Variants in KLRF1 observed in about 807,000 individuals in gnomAD.
The protein encoded by KLRF1 is killer cell lectin-like receptor subfamily F member 1.
Under a neutral mutation model 30.7 loss-of-function variants are expected in KLRF1, and 27 were observed. The observed-to-expected ratio is 0.88, with a 90% CI of 0.65 to 1.21. KLRF1 has a LOEUF of 1.21. Ranked by LOEUF, KLRF1 falls within the 50% of genes most tolerant of loss-of-function variation. KLRF1 has a pLI of 0.00. For synonymous variants in KLRF1, 92 were observed against 89.3 expected, an observed-to-expected ratio of 1.03 and a Z score of -0.17; for missense variants, 246 against 259.3, an observed-to-expected ratio of 0.95 and a Z score of 0.35.
rs1565510540 is a variant in KLRF1, at chr12:9,842,326, TA to T, written c.481del (p.Ile161TyrfsTer5). ...IIHDQLEMAF[I>X]QKNLRQLNYV... Reference sequence around the variant, plus strand: ...GTCCCTCGTCCACATTTTAGGCTTTTATACAGAAAAACCTAAGACAATTAAA... The same window carrying T: ...GTCCCTCGTCCACATTTTAGGCTTTTTACAGAAAAACCTAAGACAATTAAA... On this transcript the variant is annotated frameshift_variant, in exon 5 of 6. Coordinates refer to ENST00000617889, the MANE Select transcript of KLRF1 (RefSeq NM_016523.3). LOFTEE classifies it high-confidence loss of function. The T allele has an allele frequency of 6.2e-7, 1 of 1,611,488 alleles. No individual in the cohort carries two copies.
At chr12:9,836,940 A>C (rs191738145) in intron 3 of KLRF1, among the ~76,000 whole-genome samples, 8 of 152,264 alleles carry the variant, frequency 5.3e-5, no homozygotes, top group Non-Finnish European at 7.4e-5. Context: ...TTGAGCTACA[A>C]TATATTTATT....
chr12:9,812,367 G>GAAAAAA, the KLRF1 span, among the ~76,000 whole-genome samples: 1 of 95,808 alleles, frequency 1.0e-5, no homozygotes. Flanking sequence ...GCCGTCTCAG[G>GAAAAAA]AAAAAAAAAA....
chr12:9,818,349 G>A, the KLRF1 span, among the ~76,000 whole-genome samples: 28 of 152,296 alleles, frequency 1.8e-4, no homozygotes, highest in East Asian at 3.7e-3. Flanking sequence ...TGTGGCCAGC[G>A]GCAGCTCACC....
intron 3 of KLRF1, among the ~76,000 whole-genome samples, chr12:9,841,230 A>G (rs138721262): frequency 6.6e-4 from 100 of 152,242 alleles, no homozygotes; most frequent in African/African-American, 2.0e-3. Context: ...CAAACATTGC[A>G]TGTTCTCACT....
At chr12:9,810,595 A>C in the KLRF1 span, among the ~76,000 whole-genome samples, 1 of 152,240 alleles carries the variant, frequency 6.6e-6, no homozygotes, top group African/African-American at 2.4e-5. Context: ...GGATATTAAA[A>C]TGTGGTCATT....
At chr12:9,833,963 G>A (rs1251517265) in intron 3 of KLRF1, among the ~76,000 whole-genome samples, 4 of 141,916 alleles carry the variant, frequency 2.8e-5, no homozygotes, top group African/African-American at 1.1e-4. Flanking sequence ...GGGTGCAGGC[G>A]GGCTGAGTCC....
the KLRF1 span, among the ~76,000 whole-genome samples, chr12:9,818,982 A>T: frequency 4.6e-5 from 7 of 152,218 alleles, no homozygotes; most frequent in African/African-American, 1.4e-4. Flanking sequence ...AGGCAGGACG[A>T]CTGCCCACCC....
At chr12:9,839,837 A>G (rs752571059) in intron 3 of KLRF1, among the ~76,000 whole-genome samples, 3 of 152,126 alleles carry the variant, frequency 2.0e-5, no homozygotes, top group African/African-American at 4.8e-5. Flanking sequence ...CCAACATTCA[A>G]CTTTTAGGTA....
At chr12:9,827,834 C>T (rs1414910873) in intron 1 of KLRF1, among the ~76,000 whole-genome samples, 1 of 152,110 alleles carries the variant, frequency 6.6e-6, no homozygotes, top group Non-Finnish European at 1.5e-5. Flanking sequence ...ACACCAGTTT[C>T]CGGCACTATA....
chr12:9,837,661 A>T (rs377633083), intron 3 of KLRF1, among the ~76,000 whole-genome samples: 15 of 152,066 alleles, frequency 9.9e-5, no homozygotes, highest in Non-Finnish European at 1.6e-4. Flanking sequence ...CAACTGTTAT[A>T]CCTTGCCTCA....
chr12:9,841,836 A>G lies in KLRF1; in HGVS notation c.359A>G (p.Lys120Arg), dbSNP rs1867708442. 1 of 1,608,720 alleles carries G rather than the reference A, an allele frequency of 6.2e-7. No individual in the cohort carries two copies. The highest frequency in any genetic ancestry group is 8.5e-7 in the Non-Finnish European group (1 of 1,175,768). ...QTVLCQSEWL[K>R]YQGKCYWFSN... ...GTACTATGCCAATCAGAATGGCTCA[A>G]ATACCAAGGGAAGTGTTATTGGTTC... The change falls in exon 4 of 6, where the codon AAA (lysine) becomes AGA (arginine). Residue 120 changes from lysine (K) to arginine (R), a missense_variant. Coordinates refer to ENST00000617889, the MANE Select transcript of KLRF1 (RefSeq NM_016523.3).
chr12:9,818,689 C>A, the KLRF1 span, among the ~76,000 whole-genome samples: 1 of 152,054 alleles, frequency 6.6e-6, no homozygotes, highest in South Asian at 2.1e-4. Context: ...ATAGTCCATG[C>A]CAAAATGAAA....
upstream of KLRF1, among the ~76,000 whole-genome samples, chr12:9,824,016 G>C (rs1266232478): frequency 2.0e-5 from 3 of 152,050 alleles, no homozygotes; most frequent in African/African-American, 4.8e-5. Flanking sequence ...AAAAAGCTCA[G>C]ATGGATTCAC....
chr12:9,842,934 G>A (rs1867737135), intron 5 of KLRF1, among the ~76,000 whole-genome samples: 1 of 152,088 alleles, frequency 6.6e-6, no homozygotes, highest in Non-Finnish European at 1.5e-5. Context: ...CAGTAAAACA[G>A]ATAAATTCAA....
the KLRF1 span, among the ~76,000 whole-genome samples, chr12:9,802,577 T>G: frequency 6.6e-6 from 1 of 152,018 alleles, no homozygotes; most frequent in African/African-American, 2.4e-5. Context: ...TGATTCTATA[T>G]TTAGAAAACC....
the KLRF1 span, among the ~76,000 whole-genome samples, chr12:9,813,786 G>A: frequency 1.3e-5 from 2 of 152,138 alleles, no homozygotes; most frequent in African/African-American, 4.8e-5. Flanking sequence ...TCTTAGTGCA[G>A]GGAAAGTGTG....
the KLRF1 span, among the ~76,000 whole-genome samples, chr12:9,812,717 A>G: frequency 1.3e-5 from 2 of 152,200 alleles, no homozygotes; most frequent in East Asian, 3.9e-4. Flanking sequence ...GGTATATTTT[A>G]TCACCTGAAA....
chr12:9,814,984 G>A, the KLRF1 span, among the ~76,000 whole-genome samples: 1 of 152,122 alleles, frequency 6.6e-6, no homozygotes, highest in Non-Finnish European at 1.5e-5. Flanking sequence ...GTTATGAGAA[G>A]ATTTGAAGTG....
At chr12:9,839,469 G>C (rs1365276935) in intron 3 of KLRF1, among the ~76,000 whole-genome samples, 1 of 151,960 alleles carries the variant, frequency 6.6e-6, no homozygotes, top group Non-Finnish European at 1.5e-5. Flanking sequence ...CACACCAAAA[G>C]AGAAAGATAT....
Sources: gnomAD v4.1 joint callset for allele counts (sites outside exome capture counted in the v4.1 genomes callset) on GRCh38, gnomAD v4.1.1 for gene constraint, MANE v1.5 for transcripts, NCBI Gene and HGNC (gene_info 2026-07-23, HGNC 2026-07-21) for gene names.